The following NFX1 variants were observed in gnomAD, a reference collection of about 807,000 sequenced individuals.
NFX1 encodes nuclear transcription factor, X-box binding 1.
NFX1 carries 69 observed loss-of-function variants against 137.2 expected under a neutral mutation model. The observed-to-expected ratio is 0.50, with a 90% CI of 0.41 to 0.61. NFX1 has a LOEUF of 0.61. Among genes scored for constraint, NFX1 ranks in the 20% least tolerant of loss-of-function variants. NFX1 has a pLI of 0.00. For synonymous variants in NFX1, 495 were observed against 474.1 expected, an observed-to-expected ratio of 1.04 and a Z score of -0.57; for missense variants, 1,167 against 1,391.0, an observed-to-expected ratio of 0.84 and a Z score of 2.56.
intron 12 of NFX1, among the ~76,000 whole-genome samples, chr9:33,342,103 G>A (rs909001204): frequency 2.0e-5 from 3 of 150,796 alleles, no homozygotes; most frequent in Non-Finnish European, 4.4e-5. Context: ...GCAACAGAGT[G>A]AGACCCTGTC....
At chr9:33,351,461 C>T (rs879750709) in intron 15 of NFX1, 99 bp from the exon 16 acceptor site, 28 of 1,210,854 alleles carry the variant, frequency 2.3e-5, no homozygotes, top group Non-Finnish European at 3.2e-5. Context: ...AAAACAAAAC[C>T]AAACCCTGCC....
rs201693581 is a variant in NFX1, at chr9:33,319,063, A to T, written c.1842A>T (p.Thr614=). 3 of 1,614,234 alleles carry T rather than the reference A, an allele frequency of 1.9e-6. No individual in the cohort carries two copies. Among genetic ancestry groups the T allele is most frequent in the Non-Finnish European group, 2.5e-6 (3 of 1,180,042 alleles). The part of the protein sequence containing the change: ...LLELGSSSRK[T]CMDPVPSCGK... ...AACTTGGAAGTAGTAGTCGGAAAAC[A>T]TGCATGGACCCTGTGCCTTCATGTG... Residue 614 remains threonine, a synonymous_variant, in exon 9 of 24, where the codon ACA becomes ACT. Transcript: ENST00000379540.
intron 12 of NFX1, among the ~76,000 whole-genome samples, chr9:33,341,586 T>G (rs561779938): frequency 6.6e-6 from 1 of 152,332 alleles, no homozygotes; most frequent in East Asian, 1.9e-4. Flanking sequence ...TGATGAATTG[T>G]GCAAGTATTA....
chr9:33,324,189 G>A (rs1177440472), intron 9 of NFX1, among the ~76,000 whole-genome samples: 1 of 152,050 alleles, frequency 6.6e-6, no homozygotes, highest in Non-Finnish European at 1.5e-5. Flanking sequence ...GATCAGCCTG[G>A]CCAACATGGT....
At chr9:33,317,994 A>G (rs1485280637) in intron 7 of NFX1, among the ~76,000 whole-genome samples, 2 of 150,970 alleles carry the variant, frequency 1.3e-5, no homozygotes, top group Non-Finnish European at 3.0e-5. Flanking sequence ...AAAAAAAAAA[A>G]AAAAAAATCT....
chr9:33,328,851 A>C (rs924308428), intron 10 of NFX1, among the ~76,000 whole-genome samples, 173 bp downstream of exon 10: 10 of 152,152 alleles, frequency 6.6e-5, no homozygotes, highest in African/African-American at 2.2e-4. Context: ...CACTCTACCA[A>C]ATACAGGTGT....
intron 5 of NFX1, among the ~76,000 whole-genome samples, chr9:33,309,360 G>GA (rs34060097): frequency 1.1e-4 from 16 of 146,088 alleles, no homozygotes; most frequent in African/African-American, 3.5e-4. Flanking sequence ...CCGTCTCAGA[G>GA]AAAAAAAAAA....
intron 10 of NFX1, among the ~76,000 whole-genome samples, chr9:33,329,645 T>A (rs1587847238): frequency 4.5e-4 from 2 of 4,444 alleles, no homozygotes; most frequent in East Asian, 0.014. Flanking sequence ...TTTATTTTTC[T>A]TTTTTTTTTT....
intron 14 of NFX1, among the ~76,000 whole-genome samples, chr9:33,345,122 A>C (rs1823369490): frequency 6.6e-6 from 1 of 151,820 alleles, no homozygotes; most frequent in Non-Finnish European, 1.5e-5. Flanking sequence ...AGATTGTGCC[A>C]CTGCACTTCA....
At chr9:33,318,625 G>C in intron 7 of NFX1, 106 bp from the exon 8 acceptor site, 1 of 1,012,932 alleles carries the variant, frequency 9.9e-7, no homozygotes, top group Non-Finnish European at 1.5e-6. Context: ...ACAGGCATGA[G>C]CGACTGTGCC....
At position 33,319,095 on chromosome 9, in the gene NFX1, T is replaced by G. The variant is rs772047064; in HGVS notation, c.1874T>G (p.Val625Gly). 3.1e-6 allele frequency: 5 copies of G among 1,614,210 alleles called. No individual in the cohort carries two copies. Among genetic ancestry groups the G allele is most frequent in the Non-Finnish European group, 4.2e-6 (5 of 1,180,032 alleles). Residue 625 changes from valine to glycine, a missense_variant, in exon 9 of 24, where the codon GTG (valine) becomes GGG (glycine). Physicochemically the swap from Val to Gly is moderately radical, Grantham distance 109 (BLOSUM62 -3). Around this residue, in one of 3 missense-constraint regions of NFX1, gnomAD observed 488 missense variants for 691.5 expected, o/e 0.71. Transcript: ENST00000379540. ...GACCCTGTGCCTTCATGTGGAAAAGTGTGCGGCAAGCCTCTGCCTTGTGGT... is the reference window on the plus strand; with the variant it reads ...GACCCTGTGCCTTCATGTGGAAAAGGGTGCGGCAAGCCTCTGCCTTGTGGT... Reference protein sequence around the residue: ...CMDPVPSCGKVCGKPLPCGSL... With the variant: ...CMDPVPSCGKGCGKPLPCGSL...
rs1336685877 is a variant in NFX1, at chr9:33,367,513, AG to A, written c.3189del. 7 of 1,613,372 alleles carry A rather than the reference AG, an allele frequency of 4.3e-6. No individual in the cohort carries two copies. Among genetic ancestry groups the A allele is most frequent in the Non-Finnish European group, 5.9e-6 (7 of 1,179,600 alleles). On this transcript the variant is annotated splice_acceptor_variant, in intron 22 of 23. Transcript: ENST00000379540. LOFTEE classifies it high-confidence loss of function. ...AATGCTTGGTGTTTTGACTTTTATC[AG>A]GGGGAAGTCCGTTTGTCCTCCTACC...
chr9:33,340,584 G>C (rs563040765), intron 12 of NFX1, among the ~76,000 whole-genome samples: 1 of 152,320 alleles, frequency 6.6e-6, no homozygotes, highest in African/African-American at 2.4e-5. Context: ...TCTGCAGCCA[G>C]CTTGATTTTC....
intron 14 of NFX1, among the ~76,000 whole-genome samples, chr9:33,346,139 G>T (rs662906): frequency 2.6e-5 from 4 of 152,122 alleles, no homozygotes. Context: ...CCCTCCCAGC[G>T]TAGTTTGCAA....
chr9:33,305,986 A>AAAG (rs1821740252), intron 4 of NFX1, among the ~76,000 whole-genome samples: 1 of 152,204 alleles, frequency 6.6e-6, no homozygotes, highest in Non-Finnish European at 1.5e-5. Context: ...AGGGGAAAGA[A>AAAG]AAGCAAAAAA....
intron 10 of NFX1, among the ~76,000 whole-genome samples, chr9:33,328,943 C>G (rs1822699180): frequency 6.6e-6 from 1 of 152,142 alleles, no homozygotes; most frequent in Admixed American, 6.5e-5. Context: ...TCCATATGAC[C>G]ACCCACTTGT....
chr9:33,292,498 C>T (rs1821198337), intron 1 of NFX1, among the ~76,000 whole-genome samples: 4 of 152,156 alleles, frequency 2.6e-5, no homozygotes. Flanking sequence ...TTTAGGGTAC[C>T]ACTTGTATTC....
At chr9:33,350,432 T>A (rs1364972718) in intron 15 of NFX1, among the ~76,000 whole-genome samples, 3 of 152,200 alleles carry the variant, frequency 2.0e-5, no homozygotes, top group Non-Finnish European at 4.4e-5. Context: ...CTTTAGCAGT[T>A]CAGAAAGGAG....
intron 9 of NFX1, among the ~76,000 whole-genome samples, chr9:33,321,070 C>T (rs1452521374): frequency 1.3e-5 from 2 of 152,148 alleles, no homozygotes; most frequent in Non-Finnish European, 2.9e-5. Context: ...TAAATCAAAT[C>T]CCCTTTCGGA....
Sources: gnomAD v4.1 joint callset for allele counts (sites outside exome capture counted in the v4.1 genomes callset) on GRCh38, gnomAD v4.1.1 for gene constraint, gnomAD v4.1.1 regional missense constraint, MANE v1.5 for transcripts, NCBI Gene and HGNC (gene_info 2026-07-23, HGNC 2026-07-21) for gene names.